BCAR1: variants seen among roughly 807,000 people sequenced by gnomAD.
The protein encoded by BCAR1 is BCAR1 scaffold protein, Cas family member, also known as breast cancer anti-estrogen resistance protein 1.
In BCAR1, 30 loss-of-function variants were observed where a neutral mutation model predicts 67.6. The observed-to-expected ratio is 0.44, with a 90% CI of 0.33 to 0.60. The LOEUF (loss-of-function observed/expected upper bound fraction) is 0.60. Among genes scored for constraint, BCAR1 ranks in the 20% least tolerant of loss-of-function variants. The pLI, the probability that BCAR1 is intolerant of heterozygous loss-of-function variation, is 0.02. For missense variants in BCAR1, 1,313 were observed against 1,222.3 expected (o/e 1.07, Z -1.11); for synonymous variants, 626 against 556.7 (o/e 1.12, Z -1.75).
chr16:75,251,494 G>C lies in BCAR1; in HGVS notation c.-12C>G. On this transcript the variant is annotated 5_prime_UTR_variant, in exon 1 of 7. Transcript: ENST00000162330. ...ACCAGGTGGTTCATGGTGTCCGGCGGGCCTGGGGCCCCGGCTCTCGCGGGG... is the reference window on the plus strand; with the variant it reads ...ACCAGGTGGTTCATGGTGTCCGGCGCGCCTGGGGCCCCGGCTCTCGCGGGG... The C allele has an allele frequency of 7.3e-7, 1 of 1,369,198 alleles. No homozygotes were observed. Among genetic ancestry groups the C allele is most frequent in the Middle Eastern group, 2.5e-4 (1 of 4,036 alleles). 84.8% of individuals were successfully genotyped at this position (1,369,198 alleles called of 1,614,324 possible). A position where few individuals can be genotyped will look rare whatever the true frequency, so the allele number is the denominator to read the frequency against.
upstream of BCAR1, chr16:75,252,099 G>C (rs1332922249): frequency 9.0e-6 from 11 of 1,220,966 alleles, no homozygotes; most frequent in Non-Finnish European, 1.3e-5. Flanking sequence ...GCGTGCCCCA[G>C]CCTGTAGGAG....
chr16:75,252,238 C>G, upstream of BCAR1: 1 of 1,536,696 alleles, frequency 6.5e-7, no homozygotes, highest in East Asian at 2.4e-5. Context: ...CACCTACCTT[C>G]CCCTGCATTG....
At chr16:75,237,764 G>C (rs917591376) in intron 2 of BCAR1, among the ~76,000 whole-genome samples, 3 of 152,196 alleles carry the variant, frequency 2.0e-5, no homozygotes, top group Admixed American at 6.5e-5. Context: ...CCACGTCGGA[G>C]GCCTGGGAGT....
At chr16:75,237,422 T>A (rs1246480847) in intron 2 of BCAR1, 78 bp from the exon 3 acceptor site, 1 of 1,388,242 alleles carries the variant, frequency 7.2e-7, no homozygotes, top group Non-Finnish European at 9.4e-7. Context: ...GGGAGCCACG[T>A]CCTTTTAGGA....
chr16:75,259,950 T>G (rs1399016681), intron 1 of BCAR1, among the ~76,000 whole-genome samples: 2 of 152,030 alleles, frequency 1.3e-5, no homozygotes, highest in African/African-American at 4.8e-5. Flanking sequence ...TCCTGGCACT[T>G]TGGGAGGCCA....
At chr16:75,248,198 C>T (rs1388542648) in intron 1 of BCAR1, 2 of 1,561,446 alleles carry the variant, frequency 1.3e-6, no homozygotes, top group African/African-American at 1.4e-5. Context: ...AGGGGTGACG[C>T]CTGGGTTCGT....
chr16:75,237,401 C>T lies in BCAR1; in HGVS notation c.634-57G>A, dbSNP rs182751379. ...CTCAAACCAGCCCTTAGGGAGGCTC[C>T]ACTCACACCTGGGAGCCACGTCCTT... On this transcript the variant is annotated intron_variant, in intron 2 of 6. Coordinates refer to ENST00000162330, the MANE Select transcript of BCAR1 (RefSeq NM_014567.5). The T allele has an allele frequency of 4.9e-5, 69 of 1,407,204 alleles. No homozygotes were observed. In the East Asian group the frequency reaches 1.6e-3, roughly 32 times the overall value. The allele number at this position is 1,407,204 out of a possible 1,614,324, so 87.2% of individuals were successfully genotyped here.
At position 75,236,862 on chromosome 16, in the gene BCAR1, T is replaced by A; in HGVS notation, c.912+20A>T. 6.2e-7 allele frequency: 1 copy of A among 1,608,448 alleles called. No homozygotes were observed. The highest frequency in any genetic ancestry group is 8.5e-7 in the Non-Finnish European group (1 of 1,177,212). On this transcript the variant is annotated intron_variant, in intron 4 of 6. Coordinates refer to ENST00000162330, the MANE Select transcript of BCAR1 (RefSeq NM_014567.5). ...CCACAGCCTCAGCCTGGCCCTGGCATTGCCCTGGCATTTGCTCACTGCGTG... is the reference window on the plus strand; with the variant it reads ...CCACAGCCTCAGCCTGGCCCTGGCAATGCCCTGGCATTTGCTCACTGCGTG...
At position 75,231,098 on chromosome 16, in the gene BCAR1, C is replaced by CTT. The variant is rs201896551; in HGVS notation, c.2101-1077_2101-1076dup. Among the ~76,000 whole-genome samples, 4 of 131,842 alleles carry CTT rather than the reference C, an allele frequency of 3.0e-5. No individual in the cohort carries two copies. In the South Asian group the frequency reaches 7.5e-4, roughly 25 times the overall value. The allele number at this position is 131,842 out of a possible 152,430, so 86.5% of individuals were successfully genotyped here. The stretch of plus-strand genomic sequence containing the variant: ...GTCTTGATCTGTCACCCAGGCTAAT[C>CTT]TTTTTTTTTTTTTTTTTAAATGGAG... On this transcript the variant is annotated intron_variant, in intron 6 of 6. Coordinates refer to ENST00000162330, the MANE Select transcript of BCAR1 (RefSeq NM_014567.5).
chr16:75,252,264 A>G, upstream of BCAR1: 1 of 1,536,486 alleles, frequency 6.5e-7, no homozygotes, highest in South Asian at 1.2e-5. Context: ...ACATCTGGGG[A>G]CTCGGGCTGG....
Position 75,235,082 on chromosome 16 carries a change from C to G in BCAR1, c.1817G>C (p.Arg606Thr). The G allele has an allele frequency of 9.3e-6, 15 of 1,612,790 alleles. No individual in the cohort carries two copies. Among genetic ancestry groups the G allele is most frequent in the Non-Finnish European group, 1.3e-5 (15 of 1,180,020 alleles). Residue 606 changes from arginine (R) to threonine (T), a missense_variant, in exon 5 of 7, where the codon AGA becomes ACA. Around this residue, in one of 2 missense-constraint regions of BCAR1, gnomAD observed 1,272 missense variants for 1,137.5 expected, o/e 1.12. Transcript: ENST00000162330. The stretch of plus-strand genomic sequence containing the variant: ...CCCCGGGGCAGTGGCCTTGGTCCGT[C>G]TGAAGAGCAGTGAGGCATTGCCGTG... ...FLHGNASLLF[R>T]RTKATAPGPE...
At chr16:75,238,816 G>T (rs143434577) in intron 2 of BCAR1, 84 of 985,328 alleles carry the variant, frequency 8.5e-5, no homozygotes, top group Non-Finnish European at 9.6e-5. Context: ...CGGGGCAGGC[G>T]GGGCGGAGGG....
chr16:75,266,590 G>T (rs1446841732), intron 1 of BCAR1: 5 of 597,726 alleles, frequency 8.4e-6, no homozygotes, highest in South Asian at 8.0e-5. Flanking sequence ...CTACCATGGT[G>T]CCCACACATG....
intron 2 of BCAR1, chr16:75,238,450 C>G (rs904184346): frequency 5.9e-6 from 6 of 1,022,536 alleles, no homozygotes; most frequent in Non-Finnish European, 4.7e-6. Context: ...GCCCCTCCCC[C>G]GGGCCCAGTG....
rs780049900 is a variant in BCAR1 at position 75,237,326 on chromosome 16, C to T, written c.652G>A (p.Val218Met). 1.2e-5 allele frequency: 17 copies of T among 1,471,436 alleles called. No homozygotes were observed. Among genetic ancestry groups the T allele is most frequent in the African/African-American group, 4.4e-5 (3 of 68,618 alleles). 91.1% of individuals were successfully genotyped at this position (1,471,436 alleles called of 1,614,324 possible). The stretch of plus-strand genomic sequence containing the variant: ...GCCTCGTATACATAGCCCTGCCCCA[C>T]GCGGGTGGGCACCACCACCTGGGGG... ...PPAKVVVPTR[V>M]GQGYVYEAAQ... The change falls in exon 3 of 7, where the codon GTG (valine) becomes ATG (methionine). Residue 218 changes from valine (V) to methionine (M), a missense_variant. By Grantham distance (21) the Val-to-Met change is conservative. Coordinates refer to ENST00000162330, the MANE Select transcript of BCAR1 (RefSeq NM_014567.5).
At chr16:75,247,241 G>A (rs916638208) in intron 1 of BCAR1, 1 of 152,652 alleles carries the variant, frequency 6.6e-6, no homozygotes, top group African/African-American at 2.4e-5. Context: ...AACCCAGGAA[G>A]GCCTTTGGGG....
At chr16:75,265,637 CG>C (rs1223800021) in intron 1 of BCAR1, among the ~76,000 whole-genome samples, 6 of 151,964 alleles carry the variant, frequency 3.9e-5, no homozygotes, top group Admixed American at 3.3e-4. Flanking sequence ...GATGGAAAGG[CG>C]GGGGCAGAGA....
exon 1 of BCAR1, chr16:75,267,961 G>T: frequency 6.2e-7 from 1 of 1,600,902 alleles, no homozygotes. Context: ...AGCCAGAGGA[G>T]CCTCACCAGG....
chr16:75,261,613 T>C (rs2077909514), intron 1 of BCAR1, among the ~76,000 whole-genome samples: 1 of 152,206 alleles, frequency 6.6e-6, no homozygotes, highest in Admixed American at 6.5e-5. Flanking sequence ...GGCCAGCTGG[T>C]TGCCCCAATG....
Sources: gnomAD v4.1 joint callset for allele counts (sites outside exome capture counted in the v4.1 genomes callset) on GRCh38, gnomAD v4.1.1 for gene constraint, gnomAD v4.1.1 regional missense constraint, MANE v1.5 for transcripts, NCBI Gene and HGNC (gene_info 2026-07-23, HGNC 2026-07-21) for gene names.